Variants in BAZ1A observed in about 807,000 individuals in gnomAD.
BAZ1A encodes the protein bromodomain adjacent to zinc finger domain 1A, also known as bromodomain adjacent to zinc finger domain protein 1A.
Under a neutral mutation model 185.2 loss-of-function variants are expected in BAZ1A, and 50 were observed. The observed-to-expected ratio is 0.27, with a 90% CI of 0.22 to 0.34. BAZ1A has a LOEUF of 0.34. BAZ1A is among the 10% of genes least tolerant of loss of function. The probability of loss-of-function intolerance (pLI) is 1.00; values close to 1 mark genes in which losing one functional copy is unlikely to be tolerated. For synonymous variants in BAZ1A, 571 were observed against 615.6 expected, an observed-to-expected ratio of 0.93 and a Z score of 1.07; for missense variants, 1,356 against 1,839.9, an observed-to-expected ratio of 0.74 and a Z score of 4.81.
chr14:34,799,972 A>C (rs562764759), intron 9 of BAZ1A, among the ~76,000 whole-genome samples: 2 of 152,172 alleles, frequency 1.3e-5, no homozygotes, highest in African/African-American at 4.8e-5. Context: ...TTTTACATAT[A>C]TCATCTTCCC....
chr14:34,808,862 A>G (rs1430295017), intron 5 of BAZ1A, among the ~76,000 whole-genome samples: 1 of 152,220 alleles, frequency 6.6e-6, no homozygotes, highest in African/African-American at 2.4e-5. Flanking sequence ...TATTCCTTTC[A>G]AGAAAAAGCC....
chr14:34,820,122 G>GTTTTTTTTTTTTTTTTTTTTTTTT (rs59706713), intron 4 of BAZ1A, among the ~76,000 whole-genome samples: 1 of 80,662 alleles, frequency 1.2e-5, no homozygotes, highest in African/African-American at 5.1e-5. Context: ...TGGGTTCCTC[G>GTTTTTTTTTTTTTTTTTTTTTTTT]TTTTTTTTTT....
chr14:34,812,242 A>G lies in BAZ1A; in HGVS notation c.537-1206T>C, dbSNP rs142886695. ...CAGAGATCTGGGGGGGGAGGGGAACAAAAAAAAGGGAGCAACTCATGAAAA... is the reference window on the plus strand; with the variant it reads ...CAGAGATCTGGGGGGGGAGGGGAACGAAAAAAAGGGAGCAACTCATGAAAA... On this transcript the variant is annotated intron_variant, in intron 4 of 26. Coordinates refer to ENST00000360310, the MANE Select transcript of BAZ1A (RefSeq NM_013448.3). Among the ~76,000 whole-genome samples the G allele has an allele frequency of 5.5e-3, 830 of 151,936 alleles. 8 individuals carry two copies. Among genetic ancestry groups the G allele is most frequent in the African/African-American group, 0.019 (799 of 41,426 alleles).
chr14:34,858,015 C>CA (rs1478098238), intron 3 of BAZ1A, among the ~76,000 whole-genome samples: 1 of 152,214 alleles, frequency 6.6e-6, no homozygotes, highest in Non-Finnish European at 1.5e-5. Flanking sequence ...GCTCTGCTCA[C>CA]ATACTATGTG....
chr14:34,800,084 G>GATA, intron 9 of BAZ1A, 140 bp downstream of exon 9: 1 of 884,420 alleles, frequency 1.1e-6, no homozygotes, highest in African/African-American at 1.8e-5. Context: ...GCAAAAGGGA[G>GATA]ATAAACCAAT....
At chr14:34,848,766 T>C (rs1027408648) in intron 3 of BAZ1A, among the ~76,000 whole-genome samples, 1 of 152,162 alleles carries the variant, frequency 6.6e-6, no homozygotes, top group African/African-American at 2.4e-5. Context: ...GGGATAATAT[T>C]TGGGGAAACC....
At chr14:34,777,949 C>T (rs1396219393) in intron 17 of BAZ1A, among the ~76,000 whole-genome samples, 1 of 152,172 alleles carries the variant, frequency 6.6e-6, no homozygotes, top group African/African-American at 2.4e-5. Flanking sequence ...CGAGATGGCG[C>T]CACTGCACAT....
At chr14:34,788,686 T>C (rs775281711) in intron 12 of BAZ1A, among the ~76,000 whole-genome samples, 18 of 152,038 alleles carry the variant, frequency 1.2e-4, no homozygotes, top group Non-Finnish European at 2.4e-4. Flanking sequence ...AAACTCAATA[T>C]AAAAGAGATA....
intron 4 of BAZ1A, among the ~76,000 whole-genome samples, chr14:34,822,895 A>C (rs568268415): frequency 3.9e-5 from 6 of 152,358 alleles, no homozygotes; most frequent in African/African-American, 1.4e-4. Flanking sequence ...CTTTGTATTC[A>C]AAGTAACAAA....
In BAZ1A at chr14:34,775,823, A is replaced by G. The variant is rs1047116228; in HGVS notation, c.2833+96T>C. The G allele has an allele frequency of 5.5e-6, 5 of 914,974 alleles. No individual in the cohort carries two copies. In the South Asian group the frequency reaches 8.5e-5, roughly 15 times the overall value. 56.7% of individuals were successfully genotyped at this position (914,974 alleles called of 1,614,324 possible). A position where few individuals can be genotyped will look rare whatever the true frequency, so the allele number is the denominator to read the frequency against. ...CTAAATCAAAGATAAGGTGTTGTAAATGTATTTCTAATAGGTTGCAAAAAC... is the reference window on the plus strand; with the variant it reads ...CTAAATCAAAGATAAGGTGTTGTAAGTGTATTTCTAATAGGTTGCAAAAAC... On this transcript the variant is annotated intron_variant, in intron 18 of 26. Transcript: ENST00000360310.
intron 25 of BAZ1A, among the ~76,000 whole-genome samples, chr14:34,757,684 CA>C (rs78415639): frequency 0.065 from 9,783 of 150,780 alleles, 475 homozygotes; most frequent in East Asian, 0.18. Context: ...ACAAAAACAA[CA>C]AAAAAAGAAT....
At chr14:34,800,521 TAC>T (rs2138654084) in intron 8 of BAZ1A, 131 bp from the exon 9 acceptor site, 1 of 702,422 alleles carries the variant, frequency 1.4e-6, no homozygotes, top group East Asian at 3.2e-5. Flanking sequence ...TTAAAATTCC[TAC>T]AGGGAGCCAG....
intron 11 of BAZ1A, 44 bp from the exon 12 acceptor site, chr14:34,792,965 T>A (rs1880947648): frequency 1.9e-6 from 3 of 1,549,940 alleles, no homozygotes; most frequent in Non-Finnish European, 2.6e-6. Flanking sequence ...TCTGTTCATG[T>A]ACTGAAAAAA....
At chr14:34,815,654 A>G in intron 4 of BAZ1A, among the ~76,000 whole-genome samples, 1 of 152,228 alleles carries the variant, frequency 6.6e-6, no homozygotes. Flanking sequence ...CTTTGATTTT[A>G]CCATAATGGG....
chr14:34,828,538 C>G (rs577647708), intron 3 of BAZ1A: 1 of 125,806 alleles, frequency 7.9e-6, no homozygotes, highest in African/African-American at 2.8e-5. Flanking sequence ...AGTCTCAGTG[C>G]TTTAACATTA....
rs1220460700 is a variant in BAZ1A, at chr14:34,796,187, CACACAT to C, written c.1129-428_1129-423del. ...ACATACACACACACACACACACACA[CACACAT>C]ATATGCATGCTGAGCGTGGTGGCAT... On this transcript the variant is annotated intron_variant, in intron 9 of 26. Transcript: ENST00000360310. 6.7e-4 allele frequency among the ~76,000 whole-genome samples: 101 copies of C among 151,754 alleles called. 1 individual carries two copies. Among genetic ancestry groups the C allele is most frequent in the Middle Eastern group, 3.4e-3 (1 of 294 alleles).
At chr14:34,774,964 C>T (rs982353688) in intron 18 of BAZ1A, among the ~76,000 whole-genome samples, 1 of 152,176 alleles carries the variant, frequency 6.6e-6, no homozygotes, top group Non-Finnish European at 1.5e-5. Context: ...CCTGTAATCC[C>T]AGCACTTTGG....
intron 25 of BAZ1A, among the ~76,000 whole-genome samples, chr14:34,757,382 A>G (rs1217486051): frequency 9.1e-6 from 1 of 109,358 alleles, no homozygotes; most frequent in African/African-American, 3.6e-5. Flanking sequence ...AAAAAAAAAA[A>G]GGCTGGGTGC....
At chr14:34,783,669 T>C (rs1880204465) in intron 15 of BAZ1A, 93 bp downstream of exon 15, 9 of 1,481,754 alleles carry the variant, frequency 6.1e-6, no homozygotes, top group Non-Finnish European at 8.2e-6. Flanking sequence ...ATCAGTATAA[T>C]GAATGCCACA....
Sources: allele counts gnomAD v4.1 joint callset (sites outside exome capture counted in the v4.1 genomes callset), GRCh38; gene constraint gnomAD v4.1.1; transcripts MANE v1.5; gene names NCBI Gene and HGNC (gene_info 2026-07-23, HGNC 2026-07-21).